Variants in EPC1 observed in about 807,000 individuals in gnomAD.
EPC1 encodes the protein enhancer of polycomb homolog 1.
A neutral mutation model predicts 98.4 loss-of-function variants in EPC1; 12 were observed. The ratio of observed to expected loss-of-function variants is 0.12; its 90% CI spans 0.08 to 0.20. The LOEUF is 0.20. Among genes scored for constraint, EPC1 ranks in the 10% least tolerant of loss-of-function variants. The pLI, the probability that EPC1 is intolerant of heterozygous loss-of-function variation, is 1.00. For synonymous variants in EPC1, 357 were observed against 363.9 expected, an observed-to-expected ratio of 0.98 and a Z score of 0.21; for missense variants, 729 against 990.5, an observed-to-expected ratio of 0.74 and a Z score of 3.54.
In EPC1 at chr10:32,268,839, G is replaced by C; in HGVS notation, c.*224C>G. On this transcript the variant is annotated 3_prime_UTR_variant, in exon 14 of 14. Coordinates refer to ENST00000319778, the MANE Select transcript of EPC1 (RefSeq NM_001272004.3). ...TATACAAGGGTATTACAAATATGCA[G>C]TACTGTACAGATAATTGCTGTATTC... The C allele has an allele frequency of 2.4e-6, 1 of 415,804 alleles. No individual in the cohort carries two copies. The highest frequency in any genetic ancestry group is 4.3e-6 in the Non-Finnish European group (1 of 229,936). 25.8% of individuals were successfully genotyped at this position (415,804 alleles called of 1,614,324 possible).
chr10:32,287,211 A>G lies in EPC1; in HGVS notation c.1039T>C (p.Ser347Pro), dbSNP rs775870992. ...KYEKKPKVLP[S>P]SAAATPQQTS... ...TGTTGGGGAGTAGCAGCGGCAGACG[A>G]TGGTAAGACTTTGGGCTTCTTTTCA... Residue 347 changes from serine (S) to proline (P), a missense_variant, in exon 7 of 14, where the codon TCG becomes CCG. Physicochemically the swap from Ser to Pro is moderately conservative, Grantham distance 74 (BLOSUM62 -1). Transcript: ENST00000319778. 1 of 1,614,206 alleles carries G rather than the reference A, an allele frequency of 6.2e-7. No homozygotes were observed. The highest frequency in any genetic ancestry group is 2.2e-5 in the East Asian group (1 of 44,884).
chr10:32,282,710 C>T (rs1285705693), intron 10 of EPC1: 1 of 152,066 alleles, frequency 6.6e-6, no homozygotes, highest in East Asian at 1.9e-4. Context: ...TATAGCAAAA[C>T]ATTTTTCATA....
intron 11 of EPC1, among the ~76,000 whole-genome samples, chr10:32,272,648 A>T (rs935422032): frequency 1.1e-4 from 17 of 152,248 alleles, no homozygotes; most frequent in African/African-American, 4.1e-4. Flanking sequence ...GTAACAAAAT[A>T]TCACATAATT....
intron 1 of EPC1, among the ~76,000 whole-genome samples, chr10:32,356,616 G>A (rs1229962061): frequency 1.6e-4 from 25 of 152,298 alleles, no homozygotes; most frequent in Admixed American, 1.5e-3. Context: ...TTAGGACACC[G>A]TGGGAGGAAA....
chr10:32,369,066 G>A (rs1839678871), intron 1 of EPC1, among the ~76,000 whole-genome samples: 1 of 152,164 alleles, frequency 6.6e-6, no homozygotes, highest in Non-Finnish European at 1.5e-5. Context: ...CTTCTGGTCA[G>A]CTATTCTGGA....
At chr10:32,273,809 A>C (rs370794640) in intron 10 of EPC1, 12 of 152,160 alleles carry the variant, frequency 7.9e-5, no homozygotes, top group African/African-American at 2.7e-4. Flanking sequence ...GAAAGATTAC[A>C]GTTGTTGGTT....
intron 1 of EPC1, among the ~76,000 whole-genome samples, chr10:32,334,751 CTG>C (rs761231498): frequency 1.1e-4 from 17 of 152,252 alleles, no homozygotes; most frequent in African/African-American, 3.9e-4. Flanking sequence ...TCCTGTGAGA[CTG>C]TGTTTTGTAA....
At chr10:32,368,891 C>T (rs1403756587) in intron 1 of EPC1, among the ~76,000 whole-genome samples, 1 of 152,170 alleles carries the variant, frequency 6.6e-6, no homozygotes, top group Admixed American at 6.5e-5. Flanking sequence ...GTTCTCTCAA[C>T]AGCCATGTGA....
chr10:32,281,774 T>C (rs941491152), intron 10 of EPC1: 1 of 152,040 alleles, frequency 6.6e-6, no homozygotes, highest in African/African-American at 2.4e-5. Flanking sequence ...GTTCAAGCCA[T>C]TCTCCCTGCC....
chr10:32,337,553 T>C (rs1429845071), intron 1 of EPC1, among the ~76,000 whole-genome samples: 1 of 152,192 alleles, frequency 6.6e-6, no homozygotes, highest in Non-Finnish European at 1.5e-5. Flanking sequence ...CTGTTTGGAA[T>C]TTCCCATCCC....
intron 10 of EPC1, among the ~76,000 whole-genome samples, chr10:32,279,283 G>C (rs185840667): frequency 3.9e-5 from 6 of 151,950 alleles, no homozygotes; most frequent in African/African-American, 1.4e-4. Flanking sequence ...GGTAGGCGGA[G>C]GTTGCAGTGA....
chr10:32,284,704 G>C lies in EPC1; in HGVS notation c.1738C>G (p.His580Asp). The C allele has an allele frequency of 1.2e-6, 2 of 1,610,584 alleles. No homozygotes were observed. The highest frequency in any genetic ancestry group is 1.7e-6 in the Non-Finnish European group (2 of 1,177,338). ...TQSKSSSGSA[H>D]FAFTAEQYQQ... is the part of the protein sequence containing the mutation. Reference sequence around the variant, plus strand: ...TCATTAACAGTCAACATACCAAAGTGTGCTGAACCACTGCTACTTTTACTT... The same window carrying C: ...TCATTAACAGTCAACATACCAAAGTCTGCTGAACCACTGCTACTTTTACTT... The change falls in exon 10 of 14, where the codon CAC becomes GAC. Residue 580 changes from histidine to aspartate, a missense_variant. This residue lies in a region of EPC1 where 390 missense variants were observed against 438.6 expected (regional missense o/e 0.89). Transcript: ENST00000319778.
rs1458148638 is a variant in EPC1, at chr10:32,322,801, G to GAATA, written c.154-16874_154-16871dup. Among the ~76,000 whole-genome samples the GAATA allele has an allele frequency of 2.6e-5, 4 of 152,208 alleles. No homozygotes were observed. The East Asian group carries it at 7.7e-4, about 29-fold the overall frequency. On this transcript the variant is annotated intron_variant, in intron 1 of 13. Transcript: ENST00000319778. ...AAAAAACTGAACTCATGGAGACAGA[G>GAATA]AATAAAGTGATGGTTACCAAAGGCT...
intron 1 of EPC1, among the ~76,000 whole-genome samples, chr10:32,334,857 T>C (rs550178392): frequency 6.6e-6 from 1 of 152,240 alleles, no homozygotes; most frequent in South Asian, 2.1e-4. Flanking sequence ...CCCCCACAAA[T>C]TTCCAGAATG....
At chr10:32,358,685 C>T (rs1396649659) in intron 1 of EPC1, among the ~76,000 whole-genome samples, 5 of 149,910 alleles carry the variant, frequency 3.3e-5, no homozygotes, top group African/African-American at 1.2e-4. Flanking sequence ...TTTAAATTTT[C>T]ACGGTTTAAG....
At chr10:32,319,632 T>A (rs1331460789) in intron 1 of EPC1, among the ~76,000 whole-genome samples, 1 of 152,130 alleles carries the variant, frequency 6.6e-6, no homozygotes, top group Non-Finnish European at 1.5e-5. Flanking sequence ...ACTGTATTCT[T>A]CAAAAATGTC....
At chr10:32,278,572 G>A (rs1836233054) in intron 10 of EPC1, among the ~76,000 whole-genome samples, 2 of 151,186 alleles carry the variant, frequency 1.3e-5, no homozygotes, top group African/African-American at 2.4e-5. Context: ...TAGTAGAGAC[G>A]GGGTTTCACC....
chr10:32,377,917 G>T (rs1839902490), intron 1 of EPC1, among the ~76,000 whole-genome samples: 1 of 152,128 alleles, frequency 6.6e-6, no homozygotes, highest in Non-Finnish European at 1.5e-5. Context: ...GAGCTTCAAA[G>T]AAATAATATC....
intron 10 of EPC1, chr10:32,274,031 G>A (rs1835962163): frequency 6.6e-6 from 1 of 151,210 alleles, no homozygotes; most frequent in African/African-American, 2.4e-5. Flanking sequence ...TCTATGGAGA[G>A]CTCAGTTCTA....
Sources: allele counts gnomAD v4.1 joint callset (sites outside exome capture counted in the v4.1 genomes callset), GRCh38; gene constraint gnomAD v4.1.1; regional missense constraint gnomAD v4.1.1; transcripts MANE v1.5; gene names NCBI Gene and HGNC (gene_info 2026-07-23, HGNC 2026-07-21).